Variants in STK32B observed in about 807,000 individuals in gnomAD.
STK32B encodes serine/threonine kinase 32B.
In STK32B, 43 loss-of-function variants were observed where a neutral mutation model predicts 52.6. The ratio of observed to expected loss-of-function variants is 0.82; its 90% CI spans 0.64 to 1.05. STK32B has a LOEUF of 1.05. Ranked by LOEUF, STK32B falls within the 50% of genes least tolerant of loss-of-function variation. The pLI is 0.00. For missense variants in STK32B, 621 were observed against 534.6 expected (o/e 1.16, Z -1.59); for synonymous variants, 238 against 204.3 (o/e 1.17, Z -1.41).
At position 5,499,743 on chromosome 4, in the gene STK32B, T is replaced by C. The variant is rs1444186270; in HGVS notation, c.*660T>C. On this transcript the variant is annotated 3_prime_UTR_variant, in exon 12 of 12. Coordinates refer to ENST00000282908, the MANE Select transcript of STK32B (RefSeq NM_018401.3). ...CTCCTCCCCTCATTTAAGAAGACTA[T>C]CCTTACCTTTTAGTTTCAGCAGTCC... is the stretch of plus-strand genomic sequence containing the variant. The C allele has an allele frequency of 1.3e-5, 2 of 152,334 alleles. No individual in the cohort carries two copies. Among genetic ancestry groups the C allele is most frequent in the Admixed American group, 1.3e-4 (2 of 15,282 alleles). The allele number at this position is 152,334 out of a possible 1,614,324, so 9.4% of individuals were successfully genotyped here. A position where few individuals can be genotyped will look rare whatever the true frequency, so the allele number is the denominator to read the frequency against.
At chr4:5,068,676 T>C (rs1334464621) in intron 1 of STK32B, among the ~76,000 whole-genome samples, 3 of 152,198 alleles carry the variant, frequency 2.0e-5, no homozygotes, top group Non-Finnish European at 2.9e-5. Context: ...CATAGCTGTG[T>C]ACTACCTGTA....
intron 4 of STK32B, among the ~76,000 whole-genome samples, chr4:5,392,900 G>A (rs77145712): frequency 0.016 from 2,495 of 152,286 alleles, 82 homozygotes; most frequent in African/African-American, 0.057. Context: ...CTGAAGCACC[G>A]TGTTGGGGGC....
rs1471717766 is a variant in STK32B, at chr4:5,159,588, AATATAT to A, written c.109-8708_109-8703del. On this transcript the variant is annotated intron_variant, in intron 2 of 11. Transcript: ENST00000282908. ...ATGAATATATATGAATATATATATG[AATATAT>A]ATGAATATATATATGAATATATATG... is the stretch of plus-strand genomic sequence containing the variant. 3.4e-4 allele frequency among the ~76,000 whole-genome samples: 36 copies of A among 105,858 alleles called. 4 individuals carry two copies. Among genetic ancestry groups the A allele is most frequent in the African/African-American group, 1.6e-3 (31 of 19,368 alleles). 69.4% of individuals were successfully genotyped at this position (105,858 alleles called of 152,430 possible). A position where few individuals can be genotyped will look rare whatever the true frequency, so the allele number is the denominator to read the frequency against.
chr4:5,240,079 T>A (rs1724914459), intron 3 of STK32B, among the ~76,000 whole-genome samples: 1 of 151,880 alleles, frequency 6.6e-6, no homozygotes. Context: ...TCTCTGTCTC[T>A]CTCTCTCTCA....
chr4:5,496,807 A>T (rs1443462364), intron 11 of STK32B, among the ~76,000 whole-genome samples: 1 of 136,912 alleles, frequency 7.3e-6, no homozygotes, highest in Non-Finnish European at 1.6e-5. Context: ...CTTTGCTTTA[A>T]AAAAAAAAAA....
intron 3 of STK32B, among the ~76,000 whole-genome samples, chr4:5,226,436 T>A (rs1192904840): frequency 6.6e-6 from 1 of 152,128 alleles, no homozygotes; most frequent in African/African-American, 2.4e-5. Flanking sequence ...AATGAAAAAT[T>A]TCAGAAGTAA....
In STK32B at chr4:5,416,939, G is replaced by C; in HGVS notation, c.562+5G>C. The C allele has an allele frequency of 6.2e-7, 1 of 1,610,480 alleles. No individual in the cohort carries two copies. The highest frequency in any genetic ancestry group is 2.2e-5 in the East Asian group (1 of 44,818). ...CTGGCACCAAGCCCTACATGGGTGA[G>C]TGTTCCAGGCCCCTTCTTTTCATGT... On this transcript the variant is annotated splice_donor_5th_base_variant and intron_variant, in intron 6 of 11. Transcript: ENST00000282908.
intron 2 of STK32B, among the ~76,000 whole-genome samples, chr4:5,158,278 G>T (rs1238747491): frequency 6.6e-6 from 1 of 152,120 alleles, no homozygotes; most frequent in Admixed American, 6.5e-5. Context: ...TACCCTGAGG[G>T]CACCAAGGGG....
At chr4:5,299,521 G>T (rs1371119925) in intron 3 of STK32B, among the ~76,000 whole-genome samples, 2 of 152,098 alleles carry the variant, frequency 1.3e-5, no homozygotes, top group African/African-American at 4.8e-5. Flanking sequence ...ATTGAGTAAG[G>T]TGTCCTTTCC....
intron 4 of STK32B, among the ~76,000 whole-genome samples, chr4:5,375,763 A>G (rs1735548923): frequency 6.6e-6 from 1 of 152,110 alleles, no homozygotes. Context: ...ACTGTTCCTC[A>G]GTATTAAGAA....
Position 5,119,911 on chromosome 4 carries a change from G to A in STK32B, c.53-19994G>A, listed in dbSNP as rs528482962. On this transcript the variant is annotated intron_variant, in intron 1 of 11. Transcript: ENST00000282908. ...GCATTTATTTCAATATGCAATCTAC[G>A]CATAGGCATTCGGGACTCAAGTACA... is the stretch of plus-strand genomic sequence containing the variant. Among the ~76,000 whole-genome samples, 8 of 152,158 alleles carry A rather than the reference G, an allele frequency of 5.3e-5. No individual in the cohort carries two copies. The South Asian group carries it at 1.7e-3, about 32-fold the overall frequency.
In STK32B at chr4:5,488,693, C is replaced by G. The variant is rs377092091; in HGVS notation, c.1107-10252C>G. ...TATTTGAGGACAAAAATTTACCACA[C>G]AAGATTCTTTCTCATTCAAAATTAG... is the stretch of plus-strand genomic sequence containing the variant. On this transcript the variant is annotated intron_variant, in intron 11 of 11. Coordinates refer to ENST00000282908, the MANE Select transcript of STK32B (RefSeq NM_018401.3). Among the ~76,000 whole-genome samples, 74 of 152,238 alleles carry G rather than the reference C, an allele frequency of 4.9e-4. 1 individual carries two copies. Among genetic ancestry groups the G allele is most frequent in the African/African-American group, 1.7e-3 (71 of 41,550 alleles).
In STK32B at chr4:5,453,630, G is replaced by T. The variant is rs1287655436; in HGVS notation, c.667-3177G>T. On this transcript the variant is annotated intron_variant, in intron 7 of 11. Transcript: ENST00000282908. The surrounding 1 kb of genome is among the most constrained non-coding windows in gnomAD (Gnocchi z 4.0). ...TATAAATAGTCCAAAACGGCTGGGT[G>T]CAGTGGCTTACGTCTGTAATCCCAG... is the stretch of plus-strand genomic sequence containing the variant. Among the ~76,000 whole-genome samples, 2 of 152,202 alleles carry T rather than the reference G, an allele frequency of 1.3e-5. No individual in the cohort carries two copies. The highest frequency in any genetic ancestry group is 2.9e-5 in the Non-Finnish European group (2 of 68,046).
At chr4:5,485,079 T>C (rs1719038114) in intron 11 of STK32B, among the ~76,000 whole-genome samples, 1 of 152,078 alleles carries the variant, frequency 6.6e-6, no homozygotes, top group Admixed American at 6.6e-5. Context: ...GGAGTTGCTC[T>C]TCTCGTGGAG....
intron 11 of STK32B, 86 bp from the exon 12 acceptor site, chr4:5,498,859 G>A: frequency 1.3e-6 from 2 of 1,485,338 alleles, no homozygotes; most frequent in Admixed American, 2.2e-5. Flanking sequence ...AGGCTCCACA[G>A]TTGCCCTGCC....
chr4:5,072,849 T>C (rs1711863603), intron 1 of STK32B, among the ~76,000 whole-genome samples: 1 of 152,150 alleles, frequency 6.6e-6, no homozygotes, highest in African/African-American at 2.4e-5. Context: ...TTTTCTATTA[T>C]ATTTAATTTT....
At chr4:5,189,684 T>C (rs1253277802) in intron 3 of STK32B, among the ~76,000 whole-genome samples, 1 of 152,182 alleles carries the variant, frequency 6.6e-6, no homozygotes, top group African/African-American at 2.4e-5. Context: ...GGAAAATGAT[T>C]GCTGGATTGT....
intron 4 of STK32B, among the ~76,000 whole-genome samples, chr4:5,347,455 G>T (rs896978833): frequency 5.9e-5 from 9 of 152,172 alleles, no homozygotes; most frequent in African/African-American, 1.9e-4. Flanking sequence ...ATTGAATTAG[G>T]GTGGCTCATC....
chr4:5,484,791 CA>C (rs1021158280), intron 11 of STK32B, among the ~76,000 whole-genome samples: 6 of 152,248 alleles, frequency 3.9e-5, no homozygotes, highest in Admixed American at 1.3e-4. Flanking sequence ...CTGGTGGTGA[CA>C]AAATCTCTCA....
Sources: gnomAD v4.1 joint callset for allele counts (sites outside exome capture counted in the v4.1 genomes callset) on GRCh38, gnomAD v4.1.1 for gene constraint, Gnocchi (gnomAD v3.1) non-coding constraint, MANE v1.5 for transcripts, NCBI Gene and HGNC (gene_info 2026-07-23, HGNC 2026-07-21) for gene names.